The following COX7B2 variants were observed in gnomAD, a reference collection of about 807,000 sequenced individuals.
The protein encoded by COX7B2 is cytochrome c oxidase subunit 7B2.
For missense variants in COX7B2, 109 were observed against 95.9 expected, an observed-to-expected ratio of 1.14 and a Z score of -0.57; for synonymous variants, 37 against 32.1, an observed-to-expected ratio of 1.15 and a Z score of -0.51.
chr4:46,798,946 T>C (rs750365128), intron 2 of COX7B2, among the ~76,000 whole-genome samples: 1 of 152,160 alleles, frequency 6.6e-6, no homozygotes, highest in Non-Finnish European at 1.5e-5. Flanking sequence ...ACAAGCTCTT[T>C]CAGCTCTAAG....
chr4:46,816,327 T>C (rs1384039120), intron 2 of COX7B2, among the ~76,000 whole-genome samples: 1 of 152,190 alleles, frequency 6.6e-6, no homozygotes, highest in African/African-American at 2.4e-5. Context: ...ATTGGGCTGT[T>C]CTCTCGGCCT....
intron 2 of COX7B2, among the ~76,000 whole-genome samples, chr4:46,832,690 C>A (rs558339859): frequency 6.6e-6 from 1 of 152,008 alleles, no homozygotes; most frequent in Non-Finnish European, 1.5e-5. Context: ...TAGTACCATC[C>A]TCTTGATGAT....
intron 2 of COX7B2, among the ~76,000 whole-genome samples, chr4:46,738,179 G>A (rs975733818): frequency 1.4e-4 from 22 of 152,194 alleles, no homozygotes; most frequent in Admixed American, 1.4e-3. Context: ...TGTGATAACA[G>A]GGATTTCTAG....
chr4:46,834,327 A>C (rs536416850), intron 2 of COX7B2, among the ~76,000 whole-genome samples: 1 of 152,246 alleles, frequency 6.6e-6, no homozygotes, highest in Admixed American at 6.5e-5. Context: ...GAAAAAAGAC[A>C]AGAAAAGAAA....
chr4:46,906,107 G>A (rs1410421703), intron 1 of COX7B2, among the ~76,000 whole-genome samples: 1 of 152,028 alleles, frequency 6.6e-6, no homozygotes, highest in East Asian at 1.9e-4. Context: ...GGGGTTACAG[G>A]CGTGAGCCAC....
chr4:46,848,509 T>C (rs998789951), intron 1 of COX7B2, among the ~76,000 whole-genome samples: 9 of 152,080 alleles, frequency 5.9e-5, no homozygotes, highest in African/African-American at 1.4e-4. Context: ...TGCCCTAATG[T>C]GATTAGTATT....
intron 2 of COX7B2, among the ~76,000 whole-genome samples, chr4:46,836,526 G>C (rs1006694532): frequency 1.3e-5 from 2 of 151,550 alleles, no homozygotes; most frequent in Non-Finnish European, 2.9e-5. Flanking sequence ...TCTCTTGTGA[G>C]AACAATGCTT....
At chr4:46,869,308 C>A (rs1178227141) in intron 1 of COX7B2, among the ~76,000 whole-genome samples, 1 of 152,068 alleles carries the variant, frequency 6.6e-6, no homozygotes, top group African/African-American at 2.4e-5. Context: ...ACCACTGAGT[C>A]TTTCTTTTTT....
At chr4:46,861,549 A>C (rs1209913836) in intron 1 of COX7B2, among the ~76,000 whole-genome samples, 4 of 152,230 alleles carry the variant, frequency 2.6e-5, no homozygotes, top group Non-Finnish European at 4.4e-5. Context: ...ACTCATTTCT[A>C]CTGCAACATT....
At chr4:46,740,632 T>C (rs4395475) in intron 2 of COX7B2, among the ~76,000 whole-genome samples, 20,822 of 152,016 alleles carry the variant, frequency 0.14, 1,983 homozygotes, top group East Asian at 0.31. Flanking sequence ...GTAAAATGGA[T>C]GGAGAGATGA....
At chr4:46,822,453 T>C (rs1248909905) in intron 2 of COX7B2, among the ~76,000 whole-genome samples, 1 of 152,128 alleles carries the variant, frequency 6.6e-6, no homozygotes, top group Non-Finnish European at 1.5e-5. Context: ...GAGAAGTATC[T>C]ATTTGTTGAT....
chr4:46,734,834 A>G lies in COX7B2; in HGVS notation c.*113T>C. 7.9e-7 allele frequency: 1 copy of G among 1,272,894 alleles called. No homozygotes were observed. Among genetic ancestry groups the G allele is most frequent in the Non-Finnish European group, 1.1e-6 (1 of 903,310 alleles). 78.8% of individuals were successfully genotyped at this position (1,272,894 alleles called of 1,614,324 possible). ...ATGACCATTTGCAATGACTTTTTAA[A>G]GATTTAAAACACATTTTATTTTTTC... On this transcript the variant is annotated 3_prime_UTR_variant, in exon 3 of 3. Coordinates refer to ENST00000355591, the MANE Select transcript of COX7B2 (RefSeq NM_130902.3).
chr4:46,847,078 G>A (rs1363937183), intron 1 of COX7B2, among the ~76,000 whole-genome samples: 1 of 152,032 alleles, frequency 6.6e-6, no homozygotes, highest in Non-Finnish European at 1.5e-5. Flanking sequence ...TATAGCCGTT[G>A]AGATGTAAGA....
intron 2 of COX7B2, among the ~76,000 whole-genome samples, chr4:46,819,907 G>A (rs529999283): frequency 2.0e-5 from 3 of 152,278 alleles, no homozygotes; most frequent in Admixed American, 2.0e-4. Context: ...TATGGATTAG[G>A]ATAAGCAAGG....
At chr4:46,898,336 T>C (rs142185850) in intron 1 of COX7B2, among the ~76,000 whole-genome samples, 487 of 152,302 alleles carry the variant, frequency 3.2e-3, no homozygotes, top group African/African-American at 0.011. Context: ...CAAATCTATA[T>C]TAGATGCTCT....
At chr4:46,765,032 C>G (rs1716442188) in intron 2 of COX7B2, among the ~76,000 whole-genome samples, 1 of 151,776 alleles carries the variant, frequency 6.6e-6, no homozygotes, top group African/African-American at 2.4e-5. Context: ...AAATAAAATG[C>G]ATTTTTTTCA....
intron 1 of COX7B2, among the ~76,000 whole-genome samples, chr4:46,860,550 C>T (rs1717275490): frequency 1.3e-5 from 2 of 152,108 alleles, no homozygotes; most frequent in East Asian, 3.9e-4. Flanking sequence ...TTCCCTCTGC[C>T]CCTTCTTTGA....
chr4:46,820,733 A>T (rs1391969991), intron 2 of COX7B2, among the ~76,000 whole-genome samples: 1 of 151,592 alleles, frequency 6.6e-6, no homozygotes, highest in Non-Finnish European at 1.5e-5. Context: ...AGGCAGAAGA[A>T]TCACTGGAAC....
intron 2 of COX7B2, among the ~76,000 whole-genome samples, chr4:46,815,697 G>T (rs562212667): frequency 6.6e-6 from 1 of 152,074 alleles, no homozygotes; most frequent in Non-Finnish European, 1.5e-5. Context: ...CAAGATGAGG[G>T]GAATATGTAA....
Sources: gnomAD v4.1 joint callset for allele counts (sites outside exome capture counted in the v4.1 genomes callset) on GRCh38, gnomAD v4.1.1 for gene constraint, MANE v1.5 for transcripts, NCBI Gene and HGNC (gene_info 2026-07-23, HGNC 2026-07-21) for gene names.